Variants in KCNMB2 observed in about 807,000 individuals in gnomAD.
KCNMB2 encodes potassium calcium-activated channel subfamily M regulatory beta subunit 2.
A neutral mutation model predicts 24.5 loss-of-function variants in KCNMB2; 9 were observed. That is an observed-to-expected ratio of 0.37 (90% CI 0.22 to 0.64). The LOEUF (loss-of-function observed/expected upper bound fraction) is 0.64, where lower values mean the gene tolerates loss of function less well. Among genes scored for constraint, KCNMB2 ranks in the 30% least tolerant of loss-of-function variants. KCNMB2 has a pLI of 0.63. For synonymous variants in KCNMB2, 109 were observed against 104.4 expected (o/e 1.04, Z -0.27); for missense variants, 226 against 284.3 (o/e 0.79, Z 1.47).
chr3:178,617,740 A>C (rs1247114996), intron 1 of KCNMB2, among the ~76,000 whole-genome samples: 8 of 147,820 alleles, frequency 5.4e-5, no homozygotes, highest in African/African-American at 2.0e-4. Context: ...ACACAAAAAA[A>C]ATTAGCTGAG....
At chr3:178,747,706 C>G (rs1723716577) in intron 1 of KCNMB2, among the ~76,000 whole-genome samples, 1 of 152,162 alleles carries the variant, frequency 6.6e-6, no homozygotes, top group African/African-American at 2.4e-5. Context: ...TAAATCTTTT[C>G]TCAACCTCAC....
intron 1 of KCNMB2, among the ~76,000 whole-genome samples, chr3:178,599,003 A>C (rs1343951015): frequency 6.6e-6 from 1 of 152,120 alleles, no homozygotes; most frequent in Non-Finnish European, 1.5e-5. Context: ...ACCATGCTAC[A>C]GAGATGGAGT....
chr3:178,681,166 C>T (rs574745966), intron 1 of KCNMB2, among the ~76,000 whole-genome samples: 3 of 152,344 alleles, frequency 2.0e-5, no homozygotes, highest in Admixed American at 6.5e-5. Context: ...GAGGCCAGAA[C>T]ACAGAACCTG....
intron 2 of KCNMB2, among the ~76,000 whole-genome samples, chr3:178,816,820 G>C (rs1418990937): frequency 1.3e-5 from 2 of 151,868 alleles, no homozygotes; most frequent in African/African-American, 4.8e-5. Flanking sequence ...TATTGCATTA[G>C]AGCCAAATAA....
chr3:178,683,650 T>C lies in KCNMB2; in HGVS notation c.-67-123693T>C, dbSNP rs747062259. Among the ~76,000 whole-genome samples the C allele has an allele frequency of 3.3e-5, 5 of 152,222 alleles. 1 individual carries two copies. The South Asian group carries it at 6.2e-4, about 19-fold the overall frequency. On this transcript the variant is annotated intron_variant, in intron 1 of 4. Transcript: ENST00000452583. ...ACATCTCAAGTGCTCAGTGGCCATATGTACCTAGTCGTTATTGCATCAGAC... is the reference window on the plus strand; with the variant it reads ...ACATCTCAAGTGCTCAGTGGCCATACGTACCTAGTCGTTATTGCATCAGAC...
chr3:178,580,768 T>A (rs1232474854), intron 1 of KCNMB2, among the ~76,000 whole-genome samples: 1 of 152,144 alleles, frequency 6.6e-6, no homozygotes. Flanking sequence ...CCATTCACAA[T>A]TGCTACAAAG....
intron 4 of KCNMB2, among the ~76,000 whole-genome samples, chr3:178,840,949 C>G (rs954899635): frequency 3.9e-5 from 6 of 152,182 alleles, no homozygotes; most frequent in African/African-American, 1.4e-4. Flanking sequence ...TCTTTTCTAC[C>G]AACATGGTCA....
intron 1 of KCNMB2, among the ~76,000 whole-genome samples, chr3:178,722,341 T>C (rs903116794): frequency 6.6e-6 from 1 of 152,206 alleles, no homozygotes; most frequent in Non-Finnish European, 1.5e-5. Context: ...CTGGGTAATT[T>C]ATAAAGAAAA....
At chr3:178,596,793 T>C (rs914769115) in intron 1 of KCNMB2, among the ~76,000 whole-genome samples, 9 of 152,086 alleles carry the variant, frequency 5.9e-5, no homozygotes, top group Non-Finnish European at 1.2e-4. Context: ...AAGAAACTTC[T>C]ATGTTTCTAA....
intron 1 of KCNMB2, among the ~76,000 whole-genome samples, chr3:178,596,666 C>T (rs1420724069): frequency 6.6e-6 from 1 of 152,050 alleles, no homozygotes; most frequent in Non-Finnish European, 1.5e-5. Flanking sequence ...TGGTCCTCTC[C>T]CATCTTCTAG....
intron 1 of KCNMB2, among the ~76,000 whole-genome samples, chr3:178,577,731 A>T (rs1309103256): frequency 6.6e-6 from 1 of 152,256 alleles, no homozygotes; most frequent in Admixed American, 6.5e-5. Flanking sequence ...CATGAAGCAT[A>T]CACAAATATC....
At chr3:178,574,674 G>A (rs530388739) in intron 1 of KCNMB2, among the ~76,000 whole-genome samples, 3 of 152,356 alleles carry the variant, frequency 2.0e-5, no homozygotes, top group Admixed American at 2.0e-4. Flanking sequence ...CAGGGTGGAA[G>A]TGTTGTGTGG....
chr3:178,595,272 G>A (rs1717827715), intron 1 of KCNMB2, among the ~76,000 whole-genome samples: 1 of 151,978 alleles, frequency 6.6e-6, no homozygotes, highest in South Asian at 2.1e-4. Context: ...TATTATCCGT[G>A]ATTTAAATTT....
At chr3:178,740,068 T>C (rs369799321) in intron 1 of KCNMB2, among the ~76,000 whole-genome samples, 36 of 152,242 alleles carry the variant, frequency 2.4e-4, no homozygotes, top group African/African-American at 8.4e-4. Context: ...ATTTGAAATG[T>C]CAGCAAGTGA....
chr3:178,801,521 G>C (rs770082203), intron 1 of KCNMB2, among the ~76,000 whole-genome samples: 10 of 152,062 alleles, frequency 6.6e-5, no homozygotes. Context: ...TTTCATTCTT[G>C]TTATGAAGCA....
chr3:178,675,600 T>G (rs1446633016), intron 1 of KCNMB2, among the ~76,000 whole-genome samples: 9 of 152,202 alleles, frequency 5.9e-5, no homozygotes, highest in Non-Finnish European at 1.2e-4. Flanking sequence ...TTTTCTTCAA[T>G]AAATATGAAA....
chr3:178,661,539 T>C (rs1474276627), intron 1 of KCNMB2, among the ~76,000 whole-genome samples: 3 of 152,180 alleles, frequency 2.0e-5, no homozygotes, highest in African/African-American at 7.2e-5. Flanking sequence ...TGCACAGATA[T>C]AGACAGTAGA....
intron 1 of KCNMB2, among the ~76,000 whole-genome samples, chr3:178,545,979 CCA>C (rs1176257080): frequency 3.3e-5 from 5 of 152,114 alleles, no homozygotes; most frequent in African/African-American, 1.2e-4. Flanking sequence ...TTGGGAACAG[CCA>C]TGTGAGGCTC....
intron 1 of KCNMB2, among the ~76,000 whole-genome samples, chr3:178,706,318 G>A (rs373324526): frequency 5.3e-5 from 8 of 152,038 alleles, no homozygotes; most frequent in Non-Finnish European, 7.4e-5. Flanking sequence ...TATGCAGAAC[G>A]CCTGGCACAG....
Sources: allele counts gnomAD v4.1 joint callset (sites outside exome capture counted in the v4.1 genomes callset), GRCh38; gene constraint gnomAD v4.1.1; transcripts MANE v1.5; gene names NCBI Gene and HGNC (gene_info 2026-07-23, HGNC 2026-07-21).